ERC2: variants seen among roughly 807,000 people sequenced by gnomAD.
ERC2 encodes ERC protein 2.
A neutral mutation model predicts 114.8 loss-of-function variants in ERC2; 42 were observed. The ratio of observed to expected loss-of-function variants is 0.37; its 90% CI spans 0.29 to 0.47. The LOEUF is 0.47. Among genes scored for constraint, ERC2 ranks in the 20% least tolerant of loss-of-function variants. ERC2 has a pLI of 0.99. For missense variants in ERC2, 939 were observed against 1,150.7 expected (o/e 0.82, Z 2.66); for synonymous variants, 454 against 425.5 (o/e 1.07, Z -0.82).
At chr3:55,901,978 C>A (rs1241830391) in intron 13 of ERC2, among the ~76,000 whole-genome samples, 1 of 152,128 alleles carries the variant, frequency 6.6e-6, no homozygotes, top group Non-Finnish European at 1.5e-5. Flanking sequence ...AATTGTGTTC[C>A]CTTTTTATAA....
Position 56,468,458 on chromosome 3 carries a change from G to T in ERC2, c.-351C>A. The T allele has an allele frequency of 6.6e-6, 1 of 150,726 alleles. No homozygotes were observed. The highest frequency in any genetic ancestry group is 2.0e-4 in the South Asian group (1 of 5,060). 9.3% of individuals were successfully genotyped at this position (150,726 alleles called of 1,614,324 possible). ...AGGAGGACACTGCTCGGAGGGCCAGGGCCAGGCGCGGGGCCGGGCGGGGCC... is the reference window on the plus strand; with the variant it reads ...AGGAGGACACTGCTCGGAGGGCCAGTGCCAGGCGCGGGGCCGGGCGGGGCC... On this transcript the variant is annotated 5_prime_UTR_variant, in exon 1 of 18. Coordinates refer to ENST00000288221, the MANE Select transcript of ERC2 (RefSeq NM_015576.3).
chr3:55,987,528 A>T (rs1449002966), intron 11 of ERC2, among the ~76,000 whole-genome samples: 2 of 152,218 alleles, frequency 1.3e-5, no homozygotes, highest in Admixed American at 6.5e-5. Context: ...AGTGAAAATT[A>T]CTCGGCAAGA....
chr3:56,225,554 A>G (rs183739262), intron 3 of ERC2, among the ~76,000 whole-genome samples: 98 of 152,304 alleles, frequency 6.4e-4, no homozygotes, highest in South Asian at 1.7e-3. Flanking sequence ...GAGATACCCA[A>G]TCATAGAATT....
chr3:55,795,710 C>G (rs1575620621), intron 14 of ERC2, among the ~76,000 whole-genome samples: 1 of 152,210 alleles, frequency 6.6e-6, no homozygotes, highest in East Asian at 1.9e-4. Context: ...TAGAATCAGA[C>G]AAAGCCCCCT....
intron 13 of ERC2, among the ~76,000 whole-genome samples, chr3:55,891,594 A>G (rs2063606829): frequency 6.6e-6 from 1 of 151,654 alleles, no homozygotes; most frequent in Non-Finnish European, 1.5e-5. Flanking sequence ...TTATAGATGC[A>G]TGCCACCACG....
At chr3:56,049,797 C>T (rs2075669621) in intron 7 of ERC2, among the ~76,000 whole-genome samples, 1 of 149,294 alleles carries the variant, frequency 6.7e-6, no homozygotes, top group East Asian at 2.0e-4. Context: ...GTTAATGCTA[C>T]TTAATAAACT....
At position 56,377,947 on chromosome 3, in the gene ERC2, G is replaced by C. The variant is rs1325558276; in HGVS notation, c.657+56404C>G. Among the ~76,000 whole-genome samples the C allele has an allele frequency of 4.6e-5, 7 of 152,226 alleles. No individual in the cohort carries two copies. The East Asian group carries it at 1.3e-3, about 29-fold the overall frequency. The stretch of plus-strand genomic sequence containing the variant: ...GCCCCAAAATGCAATCAATTAAGTG[G>C]AAGATTTTGCATGCATGTATGTGAA... On this transcript the variant is annotated intron_variant, in intron 2 of 17. Coordinates refer to ENST00000288221, the MANE Select transcript of ERC2 (RefSeq NM_015576.3).
chr3:55,729,867 T>TAAAAAAA (rs2065148489), intron 15 of ERC2, among the ~76,000 whole-genome samples: 1 of 42,012 alleles, frequency 2.4e-5, no homozygotes, highest in Non-Finnish European at 4.6e-5. Context: ...AAAAAAAAAT[T>TAAAAAAA]GTAAGCTACA....
At chr3:55,961,135 A>G (rs13087971) in intron 12 of ERC2, among the ~76,000 whole-genome samples, 40,358 of 152,094 alleles carry the variant, frequency 0.27, 5,646 homozygotes, top group Admixed American at 0.34. Flanking sequence ...AAATATACAT[A>G]TCCATATGTC....
At chr3:56,035,832 A>G (rs964675953) in intron 7 of ERC2, among the ~76,000 whole-genome samples, 5 of 152,210 alleles carry the variant, frequency 3.3e-5, no homozygotes, top group Admixed American at 3.3e-4. Context: ...GCATGAACAA[A>G]CGAAAACAGA....
At position 56,007,346 on chromosome 3, in the gene ERC2, G is replaced by C. The variant is rs188627745; in HGVS notation, c.1921-25C>G. The C allele has an allele frequency of 1.3e-4, 207 of 1,576,298 alleles. No individual in the cohort carries two copies. The East Asian group carries it at 4.3e-3, about 33-fold the overall frequency. On this transcript the variant is annotated intron_variant, in intron 9 of 17. Coordinates refer to ENST00000288221, the MANE Select transcript of ERC2 (RefSeq NM_015576.3). The stretch of plus-strand genomic sequence containing the variant: ...ACTGAAAGAGAAAGAATGTGAGTGA[G>C]TAAAACACTGAAATTTCTACTAGCA...
At chr3:56,051,826 AACACACACACAC>A (rs370057271) in intron 7 of ERC2, among the ~76,000 whole-genome samples, 5,008 of 130,082 alleles carry the variant, frequency 0.038, 106 homozygotes, top group Middle Eastern at 0.076. Flanking sequence ...CTCCATCTCA[AACACACACACAC>A]ACACACACAC....
chr3:55,661,168 C>G (rs1460946423), intron 17 of ERC2, among the ~76,000 whole-genome samples: 1 of 152,224 alleles, frequency 6.6e-6, no homozygotes, highest in Non-Finnish European at 1.5e-5. Context: ...TATTATCTCA[C>G]AGTTCCGTAG....
chr3:55,878,597 C>T (rs1000898006), intron 14 of ERC2, among the ~76,000 whole-genome samples: 1 of 152,200 alleles, frequency 6.6e-6, no homozygotes, highest in Non-Finnish European at 1.5e-5. Flanking sequence ...GTCAAACAGA[C>T]TTGTATTTGA....
At chr3:56,192,649 C>A (rs772879491) in intron 3 of ERC2, among the ~76,000 whole-genome samples, 9 of 152,142 alleles carry the variant, frequency 5.9e-5, no homozygotes, top group Non-Finnish European at 1.3e-4. Context: ...TTACAAGAGA[C>A]TCAGGCTGGG....
At chr3:55,809,809 G>C (rs1032183910) in intron 14 of ERC2, among the ~76,000 whole-genome samples, 5 of 152,066 alleles carry the variant, frequency 3.3e-5, no homozygotes, top group South Asian at 2.1e-4. Flanking sequence ...CCACATTTTT[G>C]ATCCCCCAAA....
intron 2 of ERC2, among the ~76,000 whole-genome samples, chr3:56,373,836 G>A (rs185116113): frequency 2.6e-5 from 4 of 152,270 alleles, no homozygotes; most frequent in East Asian, 3.9e-4. Flanking sequence ...ATGGACATGC[G>A]TATTTCATGT....
chr3:55,650,699 G>A (rs1056415960), intron 17 of ERC2, among the ~76,000 whole-genome samples: 1 of 152,138 alleles, frequency 6.6e-6, no homozygotes, highest in Non-Finnish European at 1.5e-5. Context: ...TTAAATGAAT[G>A]AAGAAATTCT....
chr3:55,821,985 A>C (rs1413389072), intron 14 of ERC2, among the ~76,000 whole-genome samples: 1 of 152,224 alleles, frequency 6.6e-6, no homozygotes, highest in African/African-American at 2.4e-5. Flanking sequence ...TTGGTTAAAA[A>C]ATGATCTTTC....
Sources: allele counts gnomAD v4.1 joint callset (sites outside exome capture counted in the v4.1 genomes callset), GRCh38; gene constraint gnomAD v4.1.1; transcripts MANE v1.5; gene names NCBI Gene and HGNC (gene_info 2026-07-23, HGNC 2026-07-21).